Variants in SLC68A1 observed in about 807,000 individuals in gnomAD.
SLC68A1 encodes the protein solute carrier family 68 member 1.
the SLC68A1 span, chr10:102,471,543 T>C: frequency 8.4e-7 from 1 of 1,183,900 alleles, no homozygotes. Context: ...GTGGATCACT[T>C]GAGGACAGGG....
the SLC68A1 span, chr10:102,473,692 T>C: frequency 3.0e-5 from 49 of 1,613,986 alleles, no homozygotes; most frequent in Non-Finnish European, 3.5e-5. Flanking sequence ...CCTGCTCATG[T>C]TGTTGGCCGG....
the SLC68A1 span, chr10:102,473,514 C>G: frequency 6.6e-7 from 1 of 1,520,628 alleles, no homozygotes; most frequent in Non-Finnish European, 8.9e-7. Context: ...GCTGATGGCG[C>G]TCACTGGCAC....
the SLC68A1 span, among the ~76,000 whole-genome samples, chr10:102,462,513 G>A: frequency 1.3e-5 from 2 of 152,030 alleles, no homozygotes; most frequent in African/African-American, 4.8e-5. Flanking sequence ...CTTGGTTTCC[G>A]CCACTAAATT....
chr10:102,471,614 G>A, the SLC68A1 span, among the ~76,000 whole-genome samples: 71 of 152,242 alleles, frequency 4.7e-4, no homozygotes, highest in South Asian at 6.4e-3. Context: ...TTAGCTGGGC[G>A]TGGTGTAATT....
the SLC68A1 span, among the ~76,000 whole-genome samples, chr10:102,463,958 G>C: frequency 6.6e-6 from 1 of 152,180 alleles, no homozygotes; most frequent in African/African-American, 2.4e-5. Context: ...GGATATTCCA[G>C]GTGGCAAAAG....
the SLC68A1 span, chr10:102,473,048 C>T: frequency 2.0e-6 from 2 of 1,017,626 alleles, no homozygotes; most frequent in South Asian, 2.6e-5. Flanking sequence ...GGATGGTCTC[C>T]ATTTCCCGAC....
At chr10:102,468,197 A>G in the SLC68A1 span, 1 of 152,226 alleles carries the variant, frequency 6.6e-6, no homozygotes, top group African/African-American at 2.4e-5. Context: ...TTCCTTATCA[A>G]TACCAACAGT....
chr10:102,473,497 C>T, the SLC68A1 span: 2 of 1,457,312 alleles, frequency 1.4e-6, no homozygotes, highest in South Asian at 1.3e-5. Context: ...ATGCAGTCGG[C>T]TGTGAAGCTG....
At chr10:102,473,706 G>T in the SLC68A1 span, 19 of 1,613,856 alleles carry the variant, frequency 1.2e-5, no homozygotes, top group Middle Eastern at 3.3e-4. Context: ...TGGCCGGCCC[G>T]GACCACCTCA....
the SLC68A1 span, among the ~76,000 whole-genome samples, chr10:102,475,493 A>G: frequency 2.0e-5 from 3 of 152,018 alleles, no homozygotes; most frequent in Admixed American, 1.3e-4. Context: ...CGTGAAACCA[A>G]CCAGGGAACT....
the SLC68A1 span, chr10:102,473,583 C>A: frequency 6.2e-7 from 1 of 1,608,892 alleles, no homozygotes; most frequent in Non-Finnish European, 8.5e-7. Flanking sequence ...TCTCCTATGT[C>A]GCTCCCCATC....
At chr10:102,474,699 G>A in the SLC68A1 span, among the ~76,000 whole-genome samples, 3 of 152,128 alleles carry the variant, frequency 2.0e-5, no homozygotes, top group Non-Finnish European at 2.9e-5. Flanking sequence ...CCAGGCTGGA[G>A]TGCAGTGGCA....
chr10:102,469,224 T>C, the SLC68A1 span: 39 of 1,597,242 alleles, frequency 2.4e-5, no homozygotes, highest in African/African-American at 4.6e-4. Flanking sequence ...GTGGCTAACA[T>C]GGAGGAGGGG....
chr10:102,476,355 A>G, the SLC68A1 span: 1 of 336,964 alleles, frequency 3.0e-6, no homozygotes, highest in Non-Finnish European at 4.3e-6. Flanking sequence ...GGCGTGAGCC[A>G]CTGTGGCCAA....
chr10:102,476,281 T>A, the SLC68A1 span: 2 of 337,730 alleles, frequency 5.9e-6, no homozygotes, highest in Admixed American at 5.2e-5. Flanking sequence ...TTGGCCAGGC[T>A]AGTCTCAAAC....
At chr10:102,476,675 G>A in the SLC68A1 span, 6 of 986,254 alleles carry the variant, frequency 6.1e-6, no homozygotes, top group Non-Finnish European at 7.2e-6. Context: ...GCTCAGGGAC[G>A]TGCTTCTCTT....
the SLC68A1 span, among the ~76,000 whole-genome samples, chr10:102,466,906 G>A: frequency 1.3e-5 from 2 of 152,262 alleles, no homozygotes; most frequent in Non-Finnish European, 2.9e-5. Flanking sequence ...AGCACCTTTA[G>A]AGAGCGTCTC....
At chr10:102,474,052 G>A in the SLC68A1 span, 6 of 1,541,054 alleles carry the variant, frequency 3.9e-6, no homozygotes, top group Non-Finnish European at 5.2e-6. Flanking sequence ...TAAGGCTCCA[G>A]GGGGCACAGC....
the SLC68A1 span, among the ~76,000 whole-genome samples, chr10:102,467,813 T>C: frequency 6.6e-5 from 10 of 152,100 alleles, no homozygotes; most frequent in South Asian, 2.1e-4. Context: ...TGTGCCACCA[T>C]GCCCGGCTAA....
Sources: allele counts gnomAD v4.1 joint callset (sites outside exome capture counted in the v4.1 genomes callset), GRCh38; gene constraint gnomAD v4.1.1; transcripts MANE v1.5; gene names NCBI Gene and HGNC (gene_info 2026-07-23, HGNC 2026-07-21).